The following CAP2 variants were observed in gnomAD, a reference collection of about 807,000 sequenced individuals.
CAP2 encodes the protein cyclase associated actin cytoskeleton regulatory protein 2.
CAP2 carries 24 observed loss-of-function variants against 57.7 expected under a neutral mutation model. That is an observed-to-expected ratio of 0.42 (90% CI 0.30 to 0.58). CAP2 has a LOEUF of 0.58. Among genes scored for constraint, CAP2 ranks in the 20% least tolerant of loss-of-function variants. The pLI is 0.22. For synonymous variants in CAP2, 194 were observed against 207.2 expected, an observed-to-expected ratio of 0.94 and a Z score of 0.55; for missense variants, 501 against 590.3, an observed-to-expected ratio of 0.85 and a Z score of 1.57.
At chr6:17,480,897 C>G (rs936226118) in intron 4 of CAP2, among the ~76,000 whole-genome samples, 1 of 150,168 alleles carries the variant, frequency 6.7e-6, no homozygotes, top group Non-Finnish European at 1.5e-5. Context: ...GCCTCAGCCT[C>G]CTGCCTGAGT....
intron 6 of CAP2, among the ~76,000 whole-genome samples, chr6:17,509,417 C>G (rs1047096448): frequency 5.3e-5 from 8 of 152,118 alleles, no homozygotes; most frequent in African/African-American, 1.9e-4. Context: ...GTGGCTCACT[C>G]CTGTAATCCC....
intron 12 of CAP2, among the ~76,000 whole-genome samples, chr6:17,555,684 C>T (rs1763285566): frequency 6.6e-6 from 1 of 152,040 alleles, no homozygotes; most frequent in Non-Finnish European, 1.5e-5. Flanking sequence ...CTGCTTCAGC[C>T]TCCCGAGTAG....
At chr6:17,479,492 G>A (rs1761233840) in intron 4 of CAP2, among the ~76,000 whole-genome samples, 1 of 151,974 alleles carries the variant, frequency 6.6e-6, no homozygotes, top group Admixed American at 6.5e-5. Context: ...AGAGGAGAAG[G>A]GAGGACGGAA....
chr6:17,520,592 A>G (rs923629999), intron 7 of CAP2, among the ~76,000 whole-genome samples: 6 of 152,060 alleles, frequency 3.9e-5, no homozygotes, highest in African/African-American at 1.4e-4. Flanking sequence ...CTTTTCCTCC[A>G]GGTAGATATT....
chr6:17,505,819 G>T (rs1452911857), intron 4 of CAP2, among the ~76,000 whole-genome samples: 1 of 152,066 alleles, frequency 6.6e-6, no homozygotes, highest in African/African-American at 2.4e-5. Context: ...AAGCAACTGT[G>T]GTATTCTGGA....
At chr6:17,465,191 CTT>C (rs1250933831) in intron 4 of CAP2, among the ~76,000 whole-genome samples, 1 of 151,838 alleles carries the variant, frequency 6.6e-6, no homozygotes, top group Non-Finnish European at 1.5e-5. Context: ...TCTTTTTTTT[CTT>C]TTCTTTCTTT....
intron 3 of CAP2, among the ~76,000 whole-genome samples, chr6:17,444,230 A>C (rs1561785780): frequency 6.6e-6 from 1 of 152,224 alleles, no homozygotes; most frequent in East Asian, 1.9e-4. Context: ...TACATAAGTG[A>C]AAACAAGTAT....
intron 12 of CAP2, among the ~76,000 whole-genome samples, 163 bp from the exon 13 acceptor site, chr6:17,556,196 C>T (rs998818805): frequency 6.6e-6 from 1 of 152,206 alleles, no homozygotes; most frequent in Non-Finnish European, 1.5e-5. Context: ...ACACAAGTCT[C>T]CACGTGACAA....
chr6:17,411,413 G>A (rs1299406149), intron 1 of CAP2, among the ~76,000 whole-genome samples: 2 of 152,210 alleles, frequency 1.3e-5, no homozygotes, highest in Admixed American at 6.5e-5. Context: ...CACCAGCAAT[G>A]TCTGAGGGTT....
intron 3 of CAP2, among the ~76,000 whole-genome samples, chr6:17,459,581 G>A (rs1311907083): frequency 6.6e-6 from 1 of 152,016 alleles, no homozygotes; most frequent in Non-Finnish European, 1.5e-5. Context: ...TCAATAAGAA[G>A]ATAACTTGTA....
At chr6:17,471,976 T>C (rs1221636609) in intron 4 of CAP2, among the ~76,000 whole-genome samples, 1 of 152,230 alleles carries the variant, frequency 6.6e-6, no homozygotes, top group Admixed American at 6.5e-5. Context: ...ACTCACTTTA[T>C]GAGCTTTTCC....
At chr6:17,555,585 G>A (rs945303656) in intron 12 of CAP2, among the ~76,000 whole-genome samples, 2 of 147,968 alleles carry the variant, frequency 1.4e-5, no homozygotes, top group African/African-American at 5.0e-5. Context: ...TTTTGGAGAT[G>A]GAGTTTTCAC....
At chr6:17,478,982 C>T (rs189958226) in intron 4 of CAP2, among the ~76,000 whole-genome samples, 1 of 152,158 alleles carries the variant, frequency 6.6e-6, no homozygotes, top group Non-Finnish European at 1.5e-5. Flanking sequence ...CCCTCTATCC[C>T]TTAAGTGTAC....
chr6:17,507,365 T>G, intron 5 of CAP2, 53 bp downstream of exon 5: 1 of 1,580,208 alleles, frequency 6.3e-7, no homozygotes, highest in Non-Finnish European at 8.7e-7. Context: ...TTGGAGTATT[T>G]AGGAGAACTA....
At chr6:17,424,273 G>T (rs566347007) in intron 2 of CAP2, among the ~76,000 whole-genome samples, 83 of 152,144 alleles carry the variant, frequency 5.5e-4, no homozygotes, top group Non-Finnish European at 1.0e-3. Context: ...GGTGGCGGGC[G>T]CCTGTAGTCC....
intron 1 of CAP2, among the ~76,000 whole-genome samples, chr6:17,404,295 ACTCTAT>A (rs919082873): frequency 2.0e-4 from 31 of 151,908 alleles, no homozygotes; most frequent in African/African-American, 6.5e-4. Flanking sequence ...ACATAGTAAA[ACTCTAT>A]CTCTATTAAA....
chr6:17,489,392 A>T (rs1235781543), intron 4 of CAP2, among the ~76,000 whole-genome samples: 3 of 152,188 alleles, frequency 2.0e-5, no homozygotes, highest in African/African-American at 7.2e-5. Context: ...AGATCATGCT[A>T]CTGCACTCCA....
In CAP2 at chr6:17,513,309, A is replaced by G. The variant is rs1762200594; in HGVS notation, c.531-540A>G. Among the ~76,000 whole-genome samples, 1 of 152,152 alleles carries G rather than the reference A, an allele frequency of 6.6e-6. No homozygotes were observed. Among genetic ancestry groups the G allele is most frequent in the Admixed American group, 6.6e-5 (1 of 15,262 alleles). ...AAGGGGTGTTACCTGTTTGTAAGAG[A>G]TCAATTTTCTTCCTATACCAACTTC... is the stretch of plus-strand genomic sequence containing the variant. On this transcript the variant is annotated intron_variant, in intron 6 of 12. Transcript: ENST00000229922. The surrounding 1 kb of genome is among the most constrained non-coding windows in gnomAD (Gnocchi z 4.3).
chr6:17,505,710 T>C (rs980490910), intron 4 of CAP2, among the ~76,000 whole-genome samples: 2 of 152,192 alleles, frequency 1.3e-5, no homozygotes, highest in African/African-American at 2.4e-5. Context: ...GCTGTTTCTT[T>C]GGAGCACACA....
Sources: allele counts gnomAD v4.1 joint callset (sites outside exome capture counted in the v4.1 genomes callset), GRCh38; gene constraint gnomAD v4.1.1; non-coding constraint Gnocchi (gnomAD v3.1); transcripts MANE v1.5; gene names NCBI Gene and HGNC (gene_info 2026-07-23, HGNC 2026-07-21).